Variants in KIFAP3 observed in about 807,000 individuals in gnomAD.
KIFAP3 encodes kinesin associated protein 3.
KIFAP3 carries 68 observed loss-of-function variants against 106.5 expected under a neutral mutation model. The observed-to-expected ratio is 0.64, with a 90% CI of 0.53 to 0.78. The LOEUF is 0.78. KIFAP3 is among the 30% of genes least tolerant of loss of function. The probability of loss-of-function intolerance (pLI) is 0.00; values close to 1 mark genes in which losing one functional copy is unlikely to be tolerated. For missense variants in KIFAP3, 780 were observed against 941.8 expected (o/e 0.83, Z 2.25); for synonymous variants, 320 against 311.5 (o/e 1.03, Z -0.29).
In KIFAP3 at chr1:170,016,431, C is replaced by T. The variant is rs1449118531; in HGVS notation, c.1183+31G>A. On this transcript the variant is annotated intron_variant, in intron 10 of 19. Coordinates refer to ENST00000361580, the MANE Select transcript of KIFAP3 (RefSeq NM_014970.4). The stretch of plus-strand genomic sequence containing the variant: ...TTCCAGCGATGTTGGAAATTCCAGA[C>T]AACACTGTCATTAATTTCTAAAAAG... The T allele has an allele frequency of 1.9e-6, 3 of 1,563,104 alleles. No individual in the cohort carries two copies. The East Asian group carries it at 7.1e-5, about 37-fold the overall frequency.
At chr1:169,995,989 A>ATT (rs1441294429) in intron 10 of KIFAP3, among the ~76,000 whole-genome samples, 1 of 152,080 alleles carries the variant, frequency 6.6e-6, no homozygotes, top group Non-Finnish European at 1.5e-5. Context: ...AAGTACAGAG[A>ATT]AGAGTCCAAA....
intron 13 of KIFAP3, 38 bp downstream of exon 13, chr1:169,983,232 C>T (rs1275139988): frequency 8.6e-6 from 10 of 1,158,828 alleles, no homozygotes; most frequent in Non-Finnish European, 1.0e-5. Context: ...AATTTCAATT[C>T]CCAGTCTATT....
chr1:169,999,569 G>GA (rs36054309), intron 10 of KIFAP3, among the ~76,000 whole-genome samples: 2 of 151,746 alleles, frequency 1.3e-5, no homozygotes, highest in Non-Finnish European at 2.9e-5. Context: ...GGGCAGGGTA[G>GA]AAAAAAAATG....
chr1:170,007,106 A>C (rs1423295692), intron 10 of KIFAP3, among the ~76,000 whole-genome samples: 2 of 152,160 alleles, frequency 1.3e-5, no homozygotes, highest in Non-Finnish European at 2.9e-5. Context: ...TCATAGGTTG[A>C]GTAATATGAG....
chr1:170,069,834 G>A (rs1215359511), intron 1 of KIFAP3, among the ~76,000 whole-genome samples: 2 of 150,222 alleles, frequency 1.3e-5, no homozygotes, highest in African/African-American at 2.4e-5. Flanking sequence ...TGAGGCATGG[G>A]AAAAAAAAAT....
intron 3 of KIFAP3, among the ~76,000 whole-genome samples, chr1:170,042,056 G>A (rs1207637074): frequency 6.6e-6 from 1 of 152,186 alleles, no homozygotes; most frequent in Non-Finnish European, 1.5e-5. Flanking sequence ...GTGCCTAACG[G>A]GTGGAAAGGG....
intron 15 of KIFAP3, 138 bp from the exon 16 acceptor site, chr1:169,978,321 T>C: frequency 1.8e-6 from 1 of 570,640 alleles, no homozygotes; most frequent in Non-Finnish European, 3.1e-6. Context: ...TTAACTTCTA[T>C]GTTCCTAATG....
intron 10 of KIFAP3, among the ~76,000 whole-genome samples, chr1:170,004,558 C>G (rs1346549615): frequency 6.6e-6 from 1 of 152,074 alleles, no homozygotes; most frequent in Non-Finnish European, 1.5e-5. Context: ...TGCCGCATAT[C>G]TACAACTATC....
At chr1:169,952,020 T>G (rs1024817193) in intron 19 of KIFAP3, among the ~76,000 whole-genome samples, 1 of 151,974 alleles carries the variant, frequency 6.6e-6, no homozygotes, top group Non-Finnish European at 1.5e-5. Flanking sequence ...TTATAATGAT[T>G]AAACAGAGCC....
chr1:170,019,261 A>C (rs1156845363), intron 9 of KIFAP3, among the ~76,000 whole-genome samples: 1 of 152,164 alleles, frequency 6.6e-6, no homozygotes, highest in Non-Finnish European at 1.5e-5. Context: ...TTTATGTAGA[A>C]ATAATACCAA....
chr1:169,921,968 C>A (rs1662852054), intron 19 of KIFAP3, among the ~76,000 whole-genome samples, 187 bp from the exon 20 acceptor site: 2 of 151,942 alleles, frequency 1.3e-5, no homozygotes. Flanking sequence ...TAAAATACTT[C>A]TAACAATGTG....
At chr1:169,993,627 A>C (rs1405098666) in intron 10 of KIFAP3, among the ~76,000 whole-genome samples, 20 of 28 alleles carry the variant, frequency 0.71, 10 homozygotes, top group East Asian at 1. Context: ...AGCTTCAGGC[A>C]GGTGATTTGC....
intron 10 of KIFAP3, among the ~76,000 whole-genome samples, chr1:170,008,983 C>G (rs2101982589): frequency 6.6e-6 from 1 of 152,232 alleles, no homozygotes; most frequent in East Asian, 1.9e-4. Context: ...ATGGATGAAG[C>G]TGGAAACCAT....
chr1:169,948,776 G>C (rs1320407396), intron 19 of KIFAP3, among the ~76,000 whole-genome samples: 1 of 151,918 alleles, frequency 6.6e-6, no homozygotes, highest in Non-Finnish European at 1.5e-5. Context: ...GCCAAATTAA[G>C]GGCTGTAAAA....
At chr1:170,078,410 T>A (rs1428993802), upstream of KIFAP3, among the ~76,000 whole-genome samples, 5 of 152,172 alleles carry the variant, frequency 3.3e-5, no homozygotes. Flanking sequence ...GCCAGACTGA[T>A]AAACTGAGCA....
intron 11 of KIFAP3, among the ~76,000 whole-genome samples, chr1:169,987,357 T>C (rs139103797): frequency 6.6e-6 from 1 of 152,124 alleles, no homozygotes; most frequent in East Asian, 1.9e-4. Flanking sequence ...CAAAGACCCA[T>C]GACTGAAATC....
At chr1:169,973,122 TAA>T (rs869223400) in intron 16 of KIFAP3, among the ~76,000 whole-genome samples, 1 of 138,588 alleles carries the variant, frequency 7.2e-6, no homozygotes, top group East Asian at 2.2e-4. Flanking sequence ...TATATATATA[TAA>T]ACAACACAAA....
intron 18 of KIFAP3, among the ~76,000 whole-genome samples, chr1:169,955,002 A>G (rs542800752): frequency 6.6e-6 from 1 of 152,322 alleles, no homozygotes; most frequent in East Asian, 1.9e-4. Context: ...GAATCTGAGG[A>G]AAAAAAGATC....
chr1:170,029,659 T>A (rs1182867054), intron 8 of KIFAP3, among the ~76,000 whole-genome samples: 1 of 150,774 alleles, frequency 6.6e-6, no homozygotes, highest in African/African-American at 2.4e-5. Context: ...AGAAAAAAAA[T>A]TATAAAGATC....
Sources: gnomAD v4.1 joint callset for allele counts (sites outside exome capture counted in the v4.1 genomes callset) on GRCh38, gnomAD v4.1.1 for gene constraint, MANE v1.5 for transcripts, NCBI Gene and HGNC (gene_info 2026-07-23, HGNC 2026-07-21) for gene names.